PANK2: variants seen among roughly 807,000 people sequenced by gnomAD.
PANK2 encodes the protein pantothenate kinase 2, mitochondrial.
PANK2 carries 36 observed loss-of-function variants against 43.1 expected under a neutral mutation model. The ratio of observed to expected loss-of-function variants is 0.84; its 90% CI spans 0.64 to 1.10. The LOEUF (loss-of-function observed/expected upper bound fraction) is 1.10. PANK2 is among the 50% of genes least tolerant of loss of function. The pLI is 0.00. For synonymous variants in PANK2, 281 were observed against 238.2 expected (o/e 1.18, Z -1.66); for missense variants, 576 against 593.3 (o/e 0.97, Z 0.30).
At chr20:3,917,375 C>CA (rs1436058302) in intron 5 of PANK2, 1 of 514,954 alleles carries the variant, frequency 1.9e-6, no homozygotes, top group Admixed American at 2.1e-5. Flanking sequence ...ACTCCACACT[C>CA]ACTGCTGAGC....
At chr20:3,905,804 C>G (rs944824974) in intron 1 of PANK2, among the ~76,000 whole-genome samples, 14 of 150,378 alleles carry the variant, frequency 9.3e-5, no homozygotes, top group African/African-American at 2.9e-4. Context: ...AAACCTCCAC[C>G]TCCCGGGTTC....
intron 1 of PANK2, among the ~76,000 whole-genome samples, chr20:3,902,439 C>T (rs919213000): frequency 1.3e-5 from 2 of 151,766 alleles, no homozygotes; most frequent in Admixed American, 6.6e-5. Flanking sequence ...AAGCGATTTC[C>T]AGCCAATTTT....
At chr20:3,889,985 C>T (rs1233397266) in intron 1 of PANK2, 7 of 1,438,872 alleles carry the variant, frequency 4.9e-6, no homozygotes, top group Non-Finnish European at 5.6e-6. Flanking sequence ...GACCTGTCCT[C>T]CCTTTTCTTA....
Position 3,923,612 on chromosome 20 carries a change from CT to C in PANK2, c.*319del. 2.3e-6 allele frequency: 1 copy of C among 427,636 alleles called. No homozygotes were observed. Among genetic ancestry groups the C allele is most frequent in the African/African-American group, 2.0e-5 (1 of 50,330 alleles). 26.5% of individuals were successfully genotyped at this position (427,636 alleles called of 1,614,324 possible). On this transcript the variant is annotated 3_prime_UTR_variant, in exon 7 of 7. Transcript: ENST00000610179. Reference sequence around the variant, plus strand: ...GGAAGTGCTTCTGAAGAGAGCTGCTCTGTGTTCAGTTGACTGGTTTTGTGTC... The same window carrying C: ...GGAAGTGCTTCTGAAGAGAGCTGCTCGTGTTCAGTTGACTGGTTTTGTGTC...
intron 1 of PANK2, among the ~76,000 whole-genome samples, chr20:3,895,535 G>A (rs1043875799): frequency 6.7e-6 from 1 of 150,348 alleles, no homozygotes; most frequent in African/African-American, 2.4e-5. Context: ...AAAATAGGAG[G>A]AGGAAGATAG....
intron 1 of PANK2, among the ~76,000 whole-genome samples, chr20:3,903,017 A>ACC (rs1487869153): frequency 8.4e-6 from 1 of 118,792 alleles, no homozygotes; most frequent in South Asian, 2.9e-4. Context: ...ACACACACAC[A>ACC]CCCCTTTTAC....
At chr20:3,917,175 C>T (rs1384008675) in intron 5 of PANK2, 125 bp downstream of exon 5, 7 of 1,235,596 alleles carry the variant, frequency 5.7e-6, no homozygotes, top group South Asian at 2.5e-5. Flanking sequence ...TGTTTTAGCA[C>T]GAAGTTAAAA....
rs2090710190 is a variant in PANK2 at position 3,925,704 on chromosome 20, A to G, written c.*2410A>G. On this transcript the variant is annotated 3_prime_UTR_variant, in exon 7 of 7. Coordinates refer to ENST00000610179, the MANE Select transcript of PANK2 (RefSeq NM_001386393.1). ...CTGACAGTTAGCTGTGGCTGTCCTC[A>G]GCCTCAGTCCTGGGTCTCCCCAAGC... 6.6e-6 allele frequency: 1 copy of G among 152,138 alleles called. No individual in the cohort carries two copies. Among genetic ancestry groups the G allele is most frequent in the South Asian group, 2.1e-4 (1 of 4,822 alleles). The allele number at this position is 152,138 out of a possible 1,614,324, so 9.4% of individuals were successfully genotyped here. A position where few individuals can be genotyped will look rare whatever the true frequency, so the allele number is the denominator to read the frequency against.
At chr20:3,908,399 A>C (rs1046467555) in intron 2 of PANK2, 121 bp downstream of exon 2, 2 of 1,003,208 alleles carry the variant, frequency 2.0e-6, no homozygotes, top group African/African-American at 3.2e-5. Context: ...AGTCAAATGA[A>C]GATTAAAGGT....
chr20:3,918,908 T>G, intron 6 of PANK2, 112 bp downstream of exon 6: 1 of 1,570,932 alleles, frequency 6.4e-7, no homozygotes, highest in Non-Finnish European at 8.8e-7. Flanking sequence ...GTGTTTCTTT[T>G]GTTTTTTGTT....
chr20:3,890,840 T>C (rs942163162), intron 1 of PANK2, among the ~76,000 whole-genome samples: 2 of 152,258 alleles, frequency 1.3e-5, no homozygotes, highest in African/African-American at 4.8e-5. Context: ...TCCATCTTCT[T>C]GCAACAGATT....
At chr20:3,904,853 T>C (rs1234823288) in intron 1 of PANK2, among the ~76,000 whole-genome samples, 1 of 152,212 alleles carries the variant, frequency 6.6e-6, no homozygotes, top group Non-Finnish European at 1.5e-5. Flanking sequence ...GTAGTTTTTC[T>C]AGTTTGTAAA....
intron 1 of PANK2, among the ~76,000 whole-genome samples, chr20:3,892,883 C>T (rs1363925436): frequency 6.6e-6 from 1 of 151,998 alleles, no homozygotes; most frequent in African/African-American, 2.4e-5. Flanking sequence ...GCATCAGAAT[C>T]CCTAGCGATG....
At chr20:3,890,012 C>A (rs1169428276) in intron 1 of PANK2, 5 of 1,168,850 alleles carry the variant, frequency 4.3e-6, no homozygotes, top group Non-Finnish European at 5.9e-6. Flanking sequence ...TGGGCATTCT[C>A]TTCCTGAGGG....
intron 1 of PANK2, among the ~76,000 whole-genome samples, chr20:3,906,938 A>G (rs910029113): frequency 2.9e-4 from 44 of 152,018 alleles, no homozygotes; most frequent in Non-Finnish European, 5.4e-4. Flanking sequence ...AGCTGGGACT[A>G]CAAGCGCACG....
Position 3,925,088 on chromosome 20 carries a change from C to G in PANK2, c.*1794C>G, listed in dbSNP as rs1469966079. On this transcript the variant is annotated 3_prime_UTR_variant, in exon 7 of 7. Coordinates refer to ENST00000610179, the MANE Select transcript of PANK2 (RefSeq NM_001386393.1). ...AGTAGAGCTGGACTCAAACCCGGGA[C>G]TGTCTGTCTCTGGTGCCTGAGTTGG... 6.6e-6 allele frequency: 1 copy of G among 152,430 alleles called. No individual in the cohort carries two copies. The highest frequency in any genetic ancestry group is 1.5e-5 in the Non-Finnish European group (1 of 68,196). The allele number at this position is 152,430 out of a possible 1,614,324, so 9.4% of individuals were successfully genotyped here. A position where few individuals can be genotyped will look rare whatever the true frequency, so the allele number is the denominator to read the frequency against.
chr20:3,902,957 C>T (rs1358858463), intron 1 of PANK2, among the ~76,000 whole-genome samples: 1 of 139,612 alleles, frequency 7.2e-6, no homozygotes, highest in African/African-American at 2.9e-5. Context: ...CCATGAGTTT[C>T]GACAGATGTG....
In PANK2 at chr20:3,909,708, G is replaced by C. The variant is rs535326302; in HGVS notation, c.652-869G>C. Among the ~76,000 whole-genome samples, 16 of 152,124 alleles carry C rather than the reference G, an allele frequency of 1.1e-4. No individual in the cohort carries two copies. In the South Asian group the frequency reaches 3.3e-3, roughly 31 times the overall value. The stretch of plus-strand genomic sequence containing the variant: ...GGGTTCAAGAGATTCTCCTGCCTCA[G>C]CCTCCCGAGTAGCTGGGTTTACAGG... On this transcript the variant is annotated intron_variant, in intron 2 of 6. Coordinates refer to ENST00000610179, the MANE Select transcript of PANK2 (RefSeq NM_001386393.1).
At chr20:3,916,777 TGAA>T in intron 4 of PANK2, 147 bp from the exon 5 acceptor site, 1 of 1,166,004 alleles carries the variant, frequency 8.6e-7, no homozygotes, top group Non-Finnish European at 1.2e-6. Flanking sequence ...CATTTCTCTT[TGAA>T]CAGATGCTCC....
Sources: gnomAD v4.1 joint callset for allele counts (sites outside exome capture counted in the v4.1 genomes callset) on GRCh38, gnomAD v4.1.1 for gene constraint, MANE v1.5 for transcripts, NCBI Gene and HGNC (gene_info 2026-07-23, HGNC 2026-07-21) for gene names.